The following USP50 variants were observed in gnomAD, a reference collection of about 807,000 sequenced individuals.
USP50 encodes ubiquitin specific peptidase 50.
USP50 carries 37 observed loss-of-function variants against 39.2 expected under a neutral mutation model. The observed-to-expected ratio is 0.94, with a 90% confidence interval of 0.73 to 1.24. The LOEUF is 1.24. Among genes scored for constraint, USP50 ranks in the 50% most tolerant of loss-of-function variants. The pLI, the probability that USP50 is intolerant of heterozygous loss-of-function variation, is 0.00. For missense variants in USP50, 374 were observed against 398.2 expected, an observed-to-expected ratio of 0.94 and a Z score of 0.52; for synonymous variants, 139 against 144.5, an observed-to-expected ratio of 0.96 and a Z score of 0.27.
Position 50,543,614 on chromosome 15 carries a change from T to C in USP50, c.428A>G (p.His143Arg). The change falls in exon 3 of 7, where the codon CAT becomes CGT. Residue 143 changes from histidine to arginine, a missense_variant. By Grantham distance (29) the His-to-Arg change is conservative. Transcript: ENST00000532404. ...EFLICVLNEL[H>R]EALKKYHYSR... is the part of the protein sequence containing the mutation. Reference sequence around the variant, plus strand: ...TCTACTTACCTTTTTTAGAGCTTCATGAAGTTCATTTAGGACACAAATCAA... The same window carrying C: ...TCTACTTACCTTTTTTAGAGCTTCACGAAGTTCATTTAGGACACAAATCAA... 6.2e-7 allele frequency: 1 copy of C among 1,613,438 alleles called. No homozygotes were observed. Among genetic ancestry groups the C allele is most frequent in the Non-Finnish European group, 8.5e-7 (1 of 1,179,632 alleles).
rs1034957801 is a variant in USP50 at position 50,544,571 on chromosome 15, A to G, written c.248+16T>C. 3.1e-6 allele frequency: 5 copies of G among 1,607,048 alleles called. No individual in the cohort carries two copies. The highest frequency in any genetic ancestry group is 2.2e-5 in the South Asian group (2 of 90,218). On this transcript the variant is annotated intron_variant, in intron 2 of 6. Coordinates refer to ENST00000532404, the MANE Select transcript of USP50 (RefSeq NM_203494.5). Reference sequence around the variant, plus strand: ...GGGGGTGGGGGCTGGGCTGCAGGGAATGCAAATGGTCTTACTTTTGCAGAG... The same window carrying G: ...GGGGGTGGGGGCTGGGCTGCAGGGAGTGCAAATGGTCTTACTTTTGCAGAG...
intron 6 of USP50, chr15:50,513,864 T>C (rs1274294571): frequency 2.0e-5 from 3 of 152,196 alleles, no homozygotes; most frequent in African/African-American, 4.8e-5. Context: ...CTGAGCAGTA[T>C]GTACTAAAGC....
chr15:50,538,951 C>T (rs2053006382), intron 4 of USP50, 100 bp from the exon 5 acceptor site: 1 of 1,294,404 alleles, frequency 7.7e-7, no homozygotes, highest in Non-Finnish European at 1.0e-6. Flanking sequence ...AAATGTAGTT[C>T]TCAGTGCTTT....
chr15:50,542,045 T>TA (rs11399289), intron 3 of USP50, among the ~76,000 whole-genome samples: 57,052 of 138,350 alleles, frequency 0.41, 11,552 homozygotes, highest in Admixed American at 0.52. Context: ...CAAGGTTAAT[T>TA]AAAAAAAAAA....
At chr15:50,534,312 T>C (rs980384456) in intron 5 of USP50, among the ~76,000 whole-genome samples, 3 of 152,118 alleles carry the variant, frequency 2.0e-5, no homozygotes, top group African/African-American at 7.2e-5. Context: ...TAAATGTATA[T>C]TGCAAACTCT....
intron 6 of USP50, among the ~76,000 whole-genome samples, chr15:50,525,735 G>GTATATATGTATA (rs575809844): frequency 2.4e-5 from 3 of 125,674 alleles, no homozygotes; most frequent in Non-Finnish European, 4.8e-5. Context: ...ATATGTATAT[G>GTATATATGTATA]TATATAATCT....
chr15:50,508,207 T>A (rs1445872865), intron 6 of USP50: 1 of 151,730 alleles, frequency 6.6e-6, no homozygotes, highest in Non-Finnish European at 1.5e-5. Flanking sequence ...CACTTCTAAG[T>A]AACTTTATAA....
intron 6 of USP50, among the ~76,000 whole-genome samples, chr15:50,519,461 T>C (rs766584631): frequency 1.3e-5 from 2 of 152,044 alleles, no homozygotes; most frequent in Non-Finnish European, 2.9e-5. Flanking sequence ...ACGCCTGTAA[T>C]CCCAGCACTT....
At chr15:50,535,792 T>C (rs924157986) in intron 5 of USP50, among the ~76,000 whole-genome samples, 8 of 152,146 alleles carry the variant, frequency 5.3e-5, no homozygotes, top group Admixed American at 5.2e-4. Flanking sequence ...CCTAGCTACA[T>C]ACCTTTATCC....
downstream of USP50, chr15:50,497,771 T>C (rs1595995494): frequency 6.6e-6 from 1 of 152,306 alleles, no homozygotes; most frequent in African/African-American, 2.4e-5. Context: ...GGTCTTCACA[T>C]AATCACATAA....
At chr15:50,517,554 G>T (rs2052813551) in intron 6 of USP50, among the ~76,000 whole-genome samples, 1 of 151,848 alleles carries the variant, frequency 6.6e-6, no homozygotes, top group African/African-American at 2.4e-5. Flanking sequence ...TTAATAACAG[G>T]GGAAATCATG....
At chr15:50,532,329 TG>T (rs1211406081) in intron 5 of USP50, 3 of 416,996 alleles carry the variant, frequency 7.2e-6, no homozygotes, top group African/African-American at 4.1e-5. Flanking sequence ...CCTAACCTGC[TG>T]GGGTCTTATC....
chr15:50,545,532 A>C (rs2053064249), intron 1 of USP50, among the ~76,000 whole-genome samples: 1 of 151,232 alleles, frequency 6.6e-6, no homozygotes, highest in African/African-American at 2.4e-5. Flanking sequence ...ATATATATTA[A>C]GATTGTCTCT....
chr15:50,539,272 C>T (rs973208384), intron 4 of USP50, among the ~76,000 whole-genome samples: 1 of 151,654 alleles, frequency 6.6e-6, no homozygotes, highest in South Asian at 2.1e-4. Context: ...CCAAGCCCAG[C>T]TAATCTTTAT....
chr15:50,514,464 G>A (rs1156805571), intron 6 of USP50: 10 of 152,142 alleles, frequency 6.6e-5, no homozygotes, highest in Non-Finnish European at 1.2e-4. Context: ...TTGAGAGGCC[G>A]AGGCAGCCCG....
downstream of USP50, chr15:50,496,129 G>A (rs2052391757): frequency 6.8e-7 from 1 of 1,460,250 alleles, no homozygotes; most frequent in Non-Finnish European, 9.4e-7. Flanking sequence ...GGATAAAAAT[G>A]CTGTTTTTAT....
chr15:50,528,642 G>A (rs1389613347), intron 6 of USP50, among the ~76,000 whole-genome samples: 3 of 152,180 alleles, frequency 2.0e-5, no homozygotes, highest in Non-Finnish European at 4.4e-5. Context: ...AAGGAAGTGA[G>A]AGAAGAAAAA....
At chr15:50,498,560 C>T, downstream of USP50, 1 of 1,567,802 alleles carries the variant, frequency 6.4e-7, no homozygotes, top group South Asian at 1.2e-5. Context: ...CTGGTATCTT[C>T]CTCTGTCAGT....
chr15:50,541,928 A>T (rs2053032589), intron 3 of USP50, among the ~76,000 whole-genome samples: 1 of 151,962 alleles, frequency 6.6e-6, no homozygotes, highest in Non-Finnish European at 1.5e-5. Flanking sequence ...AAAAGAGCAA[A>T]TCTTGGCCAG....
Sources: allele counts gnomAD v4.1 joint callset (sites outside exome capture counted in the v4.1 genomes callset), GRCh38; gene constraint gnomAD v4.1.1; transcripts MANE v1.5; gene names NCBI Gene and HGNC (gene_info 2026-07-23, HGNC 2026-07-21).